The following KCNQ5 variants were observed in gnomAD, a reference collection of about 807,000 sequenced individuals.
The protein encoded by KCNQ5 is potassium voltage-gated channel subfamily KQT member 5.
In KCNQ5, 30 loss-of-function variants were observed where a neutral mutation model predicts 98.2. The observed-to-expected ratio is 0.31, with a 90% CI of 0.23 to 0.41. The LOEUF is 0.41. Ranked by LOEUF, KCNQ5 falls within the 10% of genes least tolerant of loss-of-function variation. The pLI is 1.00. For synonymous variants in KCNQ5, 458 were observed against 449.4 expected (o/e 1.02, Z -0.24); for missense variants, 835 against 1,182.5 (o/e 0.71, Z 4.31).
intron 11 of KCNQ5, among the ~76,000 whole-genome samples, chr6:73,175,624 C>T (rs932461014): frequency 1.3e-5 from 2 of 152,152 alleles, no homozygotes; most frequent in African/African-American, 4.8e-5. Context: ...TGACCCTTGT[C>T]GAAGCCTGAC....
chr6:72,727,460 C>T (rs1028251954), intron 1 of KCNQ5, among the ~76,000 whole-genome samples: 5 of 152,112 alleles, frequency 3.3e-5, no homozygotes, highest in Admixed American at 6.5e-5. Flanking sequence ...AGTGCCCATC[C>T]CTCTCAAAGA....
intron 5 of KCNQ5, among the ~76,000 whole-genome samples, chr6:73,079,246 C>T (rs1773664037): frequency 6.6e-6 from 1 of 152,166 alleles, no homozygotes; most frequent in Non-Finnish European, 1.5e-5. Context: ...ATTATAAATG[C>T]TTGTCTAAAG....
chr6:72,788,547 C>T (rs1221277073), intron 1 of KCNQ5, among the ~76,000 whole-genome samples: 1 of 152,124 alleles, frequency 6.6e-6, no homozygotes, highest in Admixed American at 6.5e-5. Context: ...AAATAGTTTG[C>T]TGTCTTATTT....
chr6:72,971,980 A>T (rs1767923703), intron 1 of KCNQ5, among the ~76,000 whole-genome samples: 1 of 152,212 alleles, frequency 6.6e-6, no homozygotes, highest in Non-Finnish European at 1.5e-5. Flanking sequence ...TAGAACTTAA[A>T]GTATAATTTT....
intron 1 of KCNQ5, chr6:72,986,571 AG>A: frequency 1.7e-6 from 1 of 595,202 alleles, no homozygotes; most frequent in Non-Finnish European, 3.0e-6. Flanking sequence ...AAGTAAAAGA[AG>A]GGTGTCAGCA....
At chr6:73,169,528 G>A (rs748513436) in intron 10 of KCNQ5, among the ~76,000 whole-genome samples, 6 of 152,168 alleles carry the variant, frequency 3.9e-5, no homozygotes, top group Non-Finnish European at 5.9e-5. Context: ...CATCTTGCCC[G>A]TAGAAAACAG....
chr6:72,975,635 A>G (rs1477815834), intron 1 of KCNQ5, among the ~76,000 whole-genome samples: 1 of 152,026 alleles, frequency 6.6e-6, no homozygotes, highest in Non-Finnish European at 1.5e-5. Flanking sequence ...TGCTGGGTTT[A>G]TTTTTTCCTG....
chr6:72,954,507 C>A (rs915783551), intron 1 of KCNQ5, among the ~76,000 whole-genome samples: 2 of 149,886 alleles, frequency 1.3e-5, no homozygotes, highest in Non-Finnish European at 3.0e-5. Flanking sequence ...TAATTGCATT[C>A]TCGGAAGATC....
intron 5 of KCNQ5, among the ~76,000 whole-genome samples, 162 bp from the exon 6 acceptor site, chr6:73,105,092 GAGA>G (rs1774947866): frequency 6.6e-6 from 1 of 152,172 alleles, no homozygotes; most frequent in Admixed American, 6.5e-5. Flanking sequence ...CTTAAACAAA[GAGA>G]AGTTCTGTCA....
intron 1 of KCNQ5, among the ~76,000 whole-genome samples, chr6:72,774,549 C>T (rs1006869119): frequency 2.0e-5 from 3 of 151,866 alleles, no homozygotes; most frequent in East Asian, 1.9e-4. Flanking sequence ...GCAATCCACA[C>T]GGTGAAAGAA....
At position 72,747,904 on chromosome 6, in the gene KCNQ5, G is replaced by C. The variant is rs887711542; in HGVS notation, c.398+125317G>C. Among the ~76,000 whole-genome samples, 247 of 152,292 alleles carry C rather than the reference G, an allele frequency of 1.6e-3. 3 individuals carry two copies. Among genetic ancestry groups the C allele is most frequent in the Non-Finnish European group, 4.1e-4 (28 of 68,004 alleles). Reference sequence around the variant, plus strand: ...GAAAAGGCTTTCCCTTAAGTAGTGAGAGATGAAGCAAGAAAACACTCAGCT... The same window carrying C: ...GAAAAGGCTTTCCCTTAAGTAGTGACAGATGAAGCAAGAAAACACTCAGCT... On this transcript the variant is annotated intron_variant, in intron 1 of 13. Transcript: ENST00000370398.
At chr6:72,732,258 A>G in intron 1 of KCNQ5, among the ~76,000 whole-genome samples, 1 of 152,122 alleles carries the variant, frequency 6.6e-6, no homozygotes, top group East Asian at 1.9e-4. Flanking sequence ...AGCTCAGGGT[A>G]AGAGGGACTA....
At chr6:73,141,134 G>A (rs1372945735) in intron 10 of KCNQ5, among the ~76,000 whole-genome samples, 1 of 152,194 alleles carries the variant, frequency 6.6e-6, no homozygotes, top group Non-Finnish European at 1.5e-5. Context: ...CTGGAAGCTG[G>A]AAGTCCAAGA....
At chr6:72,894,079 A>C (rs1248473588) in intron 1 of KCNQ5, among the ~76,000 whole-genome samples, 3 of 152,244 alleles carry the variant, frequency 2.0e-5, no homozygotes, top group Non-Finnish European at 4.4e-5. Context: ...ACTTCAGGAT[A>C]ACTAAAAACG....
chr6:72,986,756 G>A, intron 1 of KCNQ5: 2 of 1,479,774 alleles, frequency 1.4e-6, no homozygotes, highest in South Asian at 1.1e-5. Context: ...AACCTCCCCA[G>A]ACCCCAGACA....
At chr6:72,863,154 A>C (rs1488370655) in intron 1 of KCNQ5, among the ~76,000 whole-genome samples, 7 of 152,188 alleles carry the variant, frequency 4.6e-5, no homozygotes, top group Non-Finnish European at 5.9e-5. Flanking sequence ...GTGTGCCTTA[A>C]ATGTGTTAGA....
At chr6:72,884,720 A>G (rs1778785614) in intron 1 of KCNQ5, among the ~76,000 whole-genome samples, 1 of 151,882 alleles carries the variant, frequency 6.6e-6, no homozygotes, top group Non-Finnish European at 1.5e-5. Context: ...GGGCTTAATC[A>G]ATCCTCTTAC....
At chr6:73,110,156 T>A (rs1363448724) in intron 6 of KCNQ5, among the ~76,000 whole-genome samples, 1 of 152,176 alleles carries the variant, frequency 6.6e-6, no homozygotes, top group Non-Finnish European at 1.5e-5. Flanking sequence ...CTGTAGCAAA[T>A]ACTGACTTAG....
At chr6:72,923,543 A>AT (rs1300513488) in intron 1 of KCNQ5, among the ~76,000 whole-genome samples, 1 of 152,126 alleles carries the variant, frequency 6.6e-6, no homozygotes, top group Admixed American at 6.6e-5. Flanking sequence ...CTTTTGAGAA[A>AT]TTTTTTTAAT....
Sources: gnomAD v4.1 joint callset for allele counts (sites outside exome capture counted in the v4.1 genomes callset) on GRCh38, gnomAD v4.1.1 for gene constraint, MANE v1.5 for transcripts, NCBI Gene and HGNC (gene_info 2026-07-23, HGNC 2026-07-21) for gene names.